Variants in FBXL17 observed in about 807,000 individuals in gnomAD.
The protein encoded by FBXL17 is F-box/LRR-repeat protein 17.
A neutral mutation model predicts 66.2 loss-of-function variants in FBXL17; 22 were observed. The ratio of observed to expected loss-of-function variants is 0.33; its 90% CI spans 0.24 to 0.47. The LOEUF (loss-of-function observed/expected upper bound fraction) is 0.47, where lower values mean the gene tolerates loss of function less well. Ranked by LOEUF, FBXL17 falls within the 20% of genes least tolerant of loss-of-function variation. FBXL17 has a pLI of 1.00. For missense variants in FBXL17, 878 were observed against 948.2 expected (o/e 0.93, Z 0.97); for synonymous variants, 474 against 400.5 (o/e 1.18, Z -2.19).
Position 108,361,314 on chromosome 5 carries a change from T to C in FBXL17, c.1374+3424A>G, listed in dbSNP as rs902649489. 2.0e-5 allele frequency among the ~76,000 whole-genome samples: 3 copies of C among 152,168 alleles called. No homozygotes were observed. In the East Asian group the frequency reaches 5.8e-4, roughly 29 times the overall value. ...GTGTTTTGAAAGAGATTTCCTTGGA[T>C]GCCAAAGCTTAAAAACAAAACTAAA... On this transcript the variant is annotated intron_variant, in intron 3 of 8. Transcript: ENST00000542267.
At chr5:108,128,854 T>C (rs1750817978) in intron 6 of FBXL17, among the ~76,000 whole-genome samples, 1 of 152,122 alleles carries the variant, frequency 6.6e-6, no homozygotes, top group Non-Finnish European at 1.5e-5. Flanking sequence ...CAAAAGTATA[T>C]ATAACTTCAA....
chr5:108,275,554 T>G (rs1233485365), intron 4 of FBXL17, among the ~76,000 whole-genome samples: 2 of 152,146 alleles, frequency 1.3e-5, no homozygotes, highest in Non-Finnish European at 2.9e-5. Flanking sequence ...CAGACAGAAG[T>G]GATGGTGAAC....
At chr5:108,286,256 A>T (rs1757895894) in intron 4 of FBXL17, among the ~76,000 whole-genome samples, 1 of 151,878 alleles carries the variant, frequency 6.6e-6, no homozygotes, top group African/African-American at 2.4e-5. Flanking sequence ...CTCTCTCACT[A>T]CTCATATTCA....
chr5:108,120,323 C>G (rs906640711), intron 6 of FBXL17, among the ~76,000 whole-genome samples: 1 of 152,024 alleles, frequency 6.6e-6, no homozygotes, highest in Non-Finnish European at 1.5e-5. Context: ...TTTAATCTCA[C>G]CTTTGTAAGA....
chr5:108,199,825 A>G (rs977290991), intron 5 of FBXL17, among the ~76,000 whole-genome samples: 1 of 152,210 alleles, frequency 6.6e-6, no homozygotes, highest in Non-Finnish European at 1.5e-5. Flanking sequence ...AAACTACTAT[A>G]AATATGAAAT....
intron 4 of FBXL17, among the ~76,000 whole-genome samples, chr5:108,318,629 G>C (rs1759480241): frequency 6.6e-6 from 1 of 151,816 alleles, no homozygotes; most frequent in Admixed American, 6.6e-5. Flanking sequence ...ATTTCATTAA[G>C]CATTTCTGGC....
At chr5:108,302,622 T>A (rs2150181485) in intron 4 of FBXL17, among the ~76,000 whole-genome samples, 1 of 151,928 alleles carries the variant, frequency 6.6e-6, no homozygotes, top group South Asian at 2.1e-4. Context: ...CTAATTGAAC[T>A]GTTAATTTTA....
intron 7 of FBXL17, among the ~76,000 whole-genome samples, chr5:107,883,119 C>A (rs536784118): frequency 1.3e-5 from 2 of 152,146 alleles, no homozygotes; most frequent in African/African-American, 4.8e-5. Flanking sequence ...GCATTTTTGC[C>A]AACATCTACT....
intron 6 of FBXL17, among the ~76,000 whole-genome samples, chr5:108,152,321 A>G (rs554991642): frequency 2.0e-5 from 3 of 152,242 alleles, no homozygotes; most frequent in Non-Finnish European, 4.4e-5. Flanking sequence ...GGTCATTTCT[A>G]CTTAACTGGT....
intron 6 of FBXL17, among the ~76,000 whole-genome samples, chr5:108,139,752 T>A (rs1245911130): frequency 6.6e-6 from 1 of 152,174 alleles, no homozygotes; most frequent in East Asian, 1.9e-4. Context: ...TTAATCACCA[T>A]CCATCTTCTT....
chr5:108,355,001 C>A (rs1359553086), intron 3 of FBXL17, among the ~76,000 whole-genome samples: 3 of 151,732 alleles, frequency 2.0e-5, no homozygotes, highest in Non-Finnish European at 2.9e-5. Flanking sequence ...ACTAGACCTG[C>A]CTTGCAAGAA....
intron 7 of FBXL17, among the ~76,000 whole-genome samples, chr5:108,018,755 C>A (rs1754476755): frequency 6.6e-6 from 1 of 152,070 alleles, no homozygotes; most frequent in South Asian, 2.1e-4. Flanking sequence ...AGAGGAAAGT[C>A]CACAAAATTT....
intron 4 of FBXL17, among the ~76,000 whole-genome samples, chr5:108,322,736 T>C (rs1202973854): frequency 1.3e-5 from 2 of 151,908 alleles, no homozygotes; most frequent in Admixed American, 6.6e-5. Context: ...CCATCAATAA[T>C]TTAATAGATG....
At chr5:108,346,561 GA>G (rs1561543198) in intron 4 of FBXL17, among the ~76,000 whole-genome samples, 1 of 152,060 alleles carries the variant, frequency 6.6e-6, no homozygotes, top group Non-Finnish European at 1.5e-5. Context: ...TACTGCTTGA[GA>G]AACAGAAAAC....
chr5:108,307,393 A>T (rs1013745254), intron 4 of FBXL17, among the ~76,000 whole-genome samples: 1 of 151,704 alleles, frequency 6.6e-6, no homozygotes, highest in Non-Finnish European at 1.5e-5. Flanking sequence ...GCAGCTTCAA[A>T]CTCTTAAGAC....
At chr5:107,999,484 CCACA>C (rs1554055759) in intron 7 of FBXL17, among the ~76,000 whole-genome samples, 5 of 137,730 alleles carry the variant, frequency 3.6e-5, no homozygotes, top group East Asian at 2.2e-4. Context: ...CACACACACA[CCACA>C]CACACACATA....
chr5:107,966,013 T>C (rs1199987973), intron 7 of FBXL17, among the ~76,000 whole-genome samples: 1 of 152,164 alleles, frequency 6.6e-6, no homozygotes, highest in African/African-American at 2.4e-5. Flanking sequence ...TAGAATGGGC[T>C]CTTAGAAATT....
chr5:108,046,407 C>A (rs1747256107), intron 6 of FBXL17, among the ~76,000 whole-genome samples: 1 of 152,086 alleles, frequency 6.6e-6, no homozygotes, highest in Non-Finnish European at 1.5e-5. Flanking sequence ...AAATCTGTAT[C>A]TTTTAATTGG....
chr5:107,970,630 G>T (rs1370065371), intron 7 of FBXL17, among the ~76,000 whole-genome samples: 1 of 152,194 alleles, frequency 6.6e-6, no homozygotes, highest in African/African-American at 2.4e-5. Context: ...CTCTCTGCGT[G>T]CCTGGTAGTA....
Sources: gnomAD v4.1 joint callset for allele counts (sites outside exome capture counted in the v4.1 genomes callset) on GRCh38, gnomAD v4.1.1 for gene constraint, MANE v1.5 for transcripts, NCBI Gene and HGNC (gene_info 2026-07-23, HGNC 2026-07-21) for gene names.